LYRM4: variants seen among roughly 807,000 people sequenced by gnomAD.
The protein encoded by LYRM4 is LYR motif-containing protein 4.
In LYRM4, 9 loss-of-function variants were observed where a neutral mutation model predicts 11.7. That is an observed-to-expected ratio of 0.77 (90% CI 0.46 to 1.34). The LOEUF is 1.34. Among genes scored for constraint, LYRM4 ranks in the 40% most tolerant of loss-of-function variants. The probability of loss-of-function intolerance (pLI) is 0.00; values close to 1 mark genes in which losing one functional copy is unlikely to be tolerated. For synonymous variants in LYRM4, 42 were observed against 40.4 expected (o/e 1.04, Z -0.15); for missense variants, 133 against 112.5 (o/e 1.18, Z -0.82).
chr6:5,260,598 T>TGCCCCGGC, intron 1 of LYRM4, 50 bp downstream of exon 1: 6 of 1,105,562 alleles, frequency 5.4e-6, no homozygotes, highest in Admixed American at 2.1e-5. Context: ...GCACCCCCGG[T>TGCCCCGGC]CCCCGGCCCC....
intron 1 of LYRM4, among the ~76,000 whole-genome samples, chr6:5,233,497 T>C (rs575052183): frequency 9.9e-5 from 15 of 152,258 alleles, no homozygotes; most frequent in Admixed American, 3.9e-4. Context: ...GTGACACCCA[T>C]TATACTGTGG....
At chr6:5,066,241 T>C in the LYRM4 span, 1 of 724,608 alleles carries the variant, frequency 1.4e-6, no homozygotes, top group Non-Finnish European at 2.6e-6. Flanking sequence ...ACTTCATACA[T>C]GATACAAGTC....
chr6:5,130,485 C>T (rs1416390567), intron 2 of LYRM4, among the ~76,000 whole-genome samples: 1 of 152,226 alleles, frequency 6.6e-6, no homozygotes, highest in South Asian at 2.1e-4. Flanking sequence ...CTCACGTTTA[C>T]CACCTGCAGA....
intron 1 of LYRM4, among the ~76,000 whole-genome samples, chr6:5,243,721 A>G (rs1764015671): frequency 1.3e-5 from 2 of 152,254 alleles, no homozygotes; most frequent in African/African-American, 4.8e-5. Context: ...TTATTTTTAT[A>G]TATCAGTTAT....
the LYRM4 span, chr6:5,086,119 C>A: frequency 6.8e-7 from 1 of 1,468,290 alleles, no homozygotes; most frequent in Non-Finnish European, 8.9e-7. Context: ...CGCGGCCGAG[C>A]GTCTGCAGCG....
chr6:5,250,725 G>GT (rs1764391445), intron 1 of LYRM4, among the ~76,000 whole-genome samples: 1 of 88,126 alleles, frequency 1.1e-5, no homozygotes, highest in Non-Finnish European at 2.2e-5. Flanking sequence ...CAGAACAAAC[G>GT]TAAGAACTGA....
the LYRM4 span, among the ~76,000 whole-genome samples, chr6:5,051,380 C>G: frequency 7.9e-5 from 12 of 152,126 alleles, no homozygotes; most frequent in Non-Finnish European, 1.6e-4. Context: ...ACACATTATA[C>G]TCAAACTGTC....
At chr6:5,131,766 G>A (rs1763965453) in intron 2 of LYRM4, among the ~76,000 whole-genome samples, 2 of 152,196 alleles carry the variant, frequency 1.3e-5, no homozygotes, top group African/African-American at 4.8e-5. Context: ...AGCTGCCACA[G>A]AGCTGTCCAT....
Position 5,183,106 on chromosome 6 carries a change from A to G in LYRM4, c.207+33512T>C, listed in dbSNP as rs73719730. On this transcript the variant is annotated intron_variant, in intron 2 of 2. Coordinates refer to ENST00000330636, the MANE Select transcript of LYRM4 (RefSeq NM_020408.6). ...CTCCAGGGTTTAGGCTCCATGTGCT[A>G]CCAAAACTAACCTACAGCCAACGTG... Among the ~76,000 whole-genome samples, 496 of 152,310 alleles carry G rather than the reference A, an allele frequency of 3.3e-3. 6 individuals are homozygous for G. Among genetic ancestry groups the G allele is most frequent in the African/African-American group, 0.011 (470 of 41,582 alleles).
chr6:5,130,862 A>G (rs189757409), intron 2 of LYRM4, among the ~76,000 whole-genome samples: 64 of 152,350 alleles, frequency 4.2e-4, no homozygotes, highest in African/African-American at 1.4e-3. Flanking sequence ...CAAACTGACA[A>G]AAGAGAGATA....
chr6:5,077,685 A>G, the LYRM4 span, among the ~76,000 whole-genome samples: 1 of 152,210 alleles, frequency 6.6e-6, no homozygotes, highest in African/African-American at 2.4e-5. Flanking sequence ...TAATAGATAG[A>G]AAGTCAACTA....
At chr6:5,046,147 T>G in the LYRM4 span, among the ~76,000 whole-genome samples, 1 of 151,786 alleles carries the variant, frequency 6.6e-6, no homozygotes, top group East Asian at 1.9e-4. Flanking sequence ...TAAAATAATA[T>G]TCCACTTTTT....
the LYRM4 span, chr6:5,086,838 G>C: frequency 2.0e-6 from 1 of 495,990 alleles, no homozygotes. Context: ...CCCAGCCTGC[G>C]TCAGAATAGG....
chr6:5,230,229 C>T (rs1013558943), intron 1 of LYRM4, among the ~76,000 whole-genome samples: 2 of 152,138 alleles, frequency 1.3e-5, no homozygotes, highest in African/African-American at 2.4e-5. Flanking sequence ...TTGACATGCT[C>T]CTAAACTCAA....
chr6:5,146,435 T>C (rs1757727431), intron 2 of LYRM4, among the ~76,000 whole-genome samples: 1 of 152,172 alleles, frequency 6.6e-6, no homozygotes, highest in South Asian at 2.1e-4. Flanking sequence ...TTAGATAGTA[T>C]TATACTTTTG....
At chr6:5,135,995 T>C (rs1182168960) in intron 2 of LYRM4, among the ~76,000 whole-genome samples, 1 of 152,214 alleles carries the variant, frequency 6.6e-6, no homozygotes. Flanking sequence ...GTAAGTGGAA[T>C]CATACAGCAT....
At chr6:5,061,963 A>T in the LYRM4 span, among the ~76,000 whole-genome samples, 1 of 152,088 alleles carries the variant, frequency 6.6e-6, no homozygotes, top group Non-Finnish European at 1.5e-5. Context: ...GTACTTTCGT[A>T]CCACCTCCAC....
chr6:5,119,074 T>A (rs1163562717), intron 2 of LYRM4, among the ~76,000 whole-genome samples: 1 of 152,184 alleles, frequency 6.6e-6, no homozygotes, highest in African/African-American at 2.4e-5. Context: ...ATCTTTTTGC[T>A]TCCCCTCTCC....
chr6:5,229,604 C>T (rs1344731174), intron 1 of LYRM4, among the ~76,000 whole-genome samples: 3 of 151,888 alleles, frequency 2.0e-5, no homozygotes, highest in Non-Finnish European at 2.9e-5. Context: ...CTAAGTAGGA[C>T]TGAAGTCCTA....
Sources: gnomAD v4.1 joint callset for allele counts (sites outside exome capture counted in the v4.1 genomes callset) on GRCh38, gnomAD v4.1.1 for gene constraint, MANE v1.5 for transcripts, NCBI Gene and HGNC (gene_info 2026-07-23, HGNC 2026-07-21) for gene names.